ROBO2: variants seen among roughly 807,000 people sequenced by gnomAD.
ROBO2 encodes the protein roundabout homolog 2.
Under a neutral mutation model 160.8 loss-of-function variants are expected in ROBO2, and 53 were observed. The observed-to-expected ratio is 0.33, with a 90% CI of 0.26 to 0.41. The LOEUF (loss-of-function observed/expected upper bound fraction) is 0.41. ROBO2 is among the 10% of genes least tolerant of loss of function. The pLI, the probability that ROBO2 is intolerant of heterozygous loss-of-function variation, is 1.00. For missense variants in ROBO2, 1,577 were observed against 1,722.4 expected, an observed-to-expected ratio of 0.92 and a Z score of 1.49; for synonymous variants, 664 against 611.7, an observed-to-expected ratio of 1.09 and a Z score of -1.26.
At chr3:77,576,856 A>C (rs2093779802) in intron 14 of ROBO2, among the ~76,000 whole-genome samples, 1 of 152,190 alleles carries the variant, frequency 6.6e-6, no homozygotes, top group Admixed American at 6.6e-5. Context: ...GGGAAGAAAA[A>C]GAAGTTTTTT....
chr3:76,518,825 C>A (rs2081464124), intron 2 of ROBO2, among the ~76,000 whole-genome samples: 2 of 152,138 alleles, frequency 1.3e-5, no homozygotes, highest in Admixed American at 6.5e-5. Context: ...TCACTTCCTA[C>A]ATATTTAATT....
At chr3:76,987,345 G>T (rs144566202) in intron 2 of ROBO2, among the ~76,000 whole-genome samples, 1 of 152,224 alleles carries the variant, frequency 6.6e-6, no homozygotes, top group East Asian at 1.9e-4. Flanking sequence ...CCACACTGCC[G>T]TGTAGTGGGG....
At chr3:76,899,061 C>T (rs953756608) in intron 2 of ROBO2, among the ~76,000 whole-genome samples, 5 of 151,900 alleles carry the variant, frequency 3.3e-5, no homozygotes, top group Admixed American at 2.0e-4. Flanking sequence ...TCACCAGTAC[C>T]GGATGTAGAA....
At chr3:76,434,731 C>T (rs878997367) in intron 2 of ROBO2, 4 of 1,091,588 alleles carry the variant, frequency 3.7e-6, no homozygotes, top group South Asian at 2.5e-5. Flanking sequence ...CCAGTCTCTA[C>T]CAGTTGAGGC....
chr3:77,563,450 G>C (rs1019914761), intron 11 of ROBO2, 121 bp downstream of exon 12: 2 of 973,940 alleles, frequency 2.1e-6, no homozygotes, highest in African/African-American at 3.2e-5. Flanking sequence ...TTTAAGAATT[G>C]ATCTCTTCTC....
intron 2 of ROBO2, among the ~76,000 whole-genome samples, chr3:77,242,525 G>A (rs1484039225): frequency 2.0e-5 from 3 of 152,158 alleles, no homozygotes; most frequent in Non-Finnish European, 2.9e-5. Context: ...AATTTCTTCA[G>A]TGTGTGGGAA....
chr3:76,155,086 A>G (rs566342552), intron 2 of ROBO2, among the ~76,000 whole-genome samples: 1 of 152,298 alleles, frequency 6.6e-6, no homozygotes, highest in East Asian at 1.9e-4. Flanking sequence ...CATTAACCCA[A>G]TAGTACCGAA....
At chr3:77,009,288 T>C (rs1470861753) in intron 2 of ROBO2, among the ~76,000 whole-genome samples, 1 of 152,192 alleles carries the variant, frequency 6.6e-6, no homozygotes, top group African/African-American at 2.4e-5. Flanking sequence ...AGAAAATTGA[T>C]TGCGGTTTGC....
At chr3:76,160,311 C>A (rs1408495869) in intron 2 of ROBO2, among the ~76,000 whole-genome samples, 1 of 152,206 alleles carries the variant, frequency 6.6e-6, no homozygotes, top group East Asian at 1.9e-4. Flanking sequence ...CTGCTCCTAT[C>A]TGCAGGTGAT....
intron 2 of ROBO2, among the ~76,000 whole-genome samples, chr3:76,575,936 C>A (rs1447791): frequency 0.48 from 72,721 of 151,630 alleles, 19,869 homozygotes; most frequent in East Asian, 0.62. Flanking sequence ...AAGGTGCTCT[C>A]AAGTTCTTAG....
intron 2 of ROBO2, among the ~76,000 whole-genome samples, chr3:76,282,569 A>G (rs1458401969): frequency 3.9e-5 from 6 of 152,066 alleles, no homozygotes; most frequent in Non-Finnish European, 7.4e-5. Flanking sequence ...ATTACTATGC[A>G]TATTTTCTTG....
At chr3:76,089,430 T>C (rs2069139190) in intron 2 of ROBO2, among the ~76,000 whole-genome samples, 2 of 151,942 alleles carry the variant, frequency 1.3e-5, no homozygotes, top group South Asian at 4.1e-4. Flanking sequence ...GCAGTAATAC[T>C]CAACAAAATA....
At chr3:77,558,554 A>G (rs1270004498) in intron 9 of ROBO2, among the ~76,000 whole-genome samples, 2 of 152,080 alleles carry the variant, frequency 1.3e-5, no homozygotes, top group Non-Finnish European at 2.9e-5. Flanking sequence ...AGTTGAGTAG[A>G]AGAAAAATAA....
chr3:76,951,736 A>C (rs1171506200), intron 2 of ROBO2, among the ~76,000 whole-genome samples: 2 of 152,116 alleles, frequency 1.3e-5, no homozygotes, highest in Admixed American at 1.3e-4. Flanking sequence ...CTCTTAAAAA[A>C]CATGTTCTAC....
chr3:76,640,503 C>T (rs1024434341), intron 2 of ROBO2, among the ~76,000 whole-genome samples: 2 of 151,620 alleles, frequency 1.3e-5, no homozygotes, highest in East Asian at 3.9e-4. Flanking sequence ...GACACTCCAT[C>T]CAGCCTGGGC....
At chr3:77,006,549 GAGTT>G (rs1333180534) in intron 2 of ROBO2, among the ~76,000 whole-genome samples, 2 of 151,962 alleles carry the variant, frequency 1.3e-5, no homozygotes, top group Admixed American at 6.6e-5. Flanking sequence ...AAGAAACAGA[GAGTT>G]AGATTAACAA....
chr3:76,222,658 G>A (rs1291631124), intron 2 of ROBO2, among the ~76,000 whole-genome samples: 2 of 152,056 alleles, frequency 1.3e-5, no homozygotes, highest in African/African-American at 4.8e-5. Flanking sequence ...GTGGGTGGGG[G>A]AGAGCCCTCT....
rs145608873 is a variant in ROBO2 at position 76,676,253 on chromosome 3, G to C, written c.110-421761G>C. Among the ~76,000 whole-genome samples, 10 of 151,896 alleles carry C rather than the reference G, an allele frequency of 6.6e-5. No individual in the cohort carries two copies. In the East Asian group the frequency reaches 1.9e-3, roughly 29 times the overall value. On this transcript the variant is annotated intron_variant, in intron 2 of 26. Coordinates refer to the ROBO2 transcript ENST00000487694. ...CGATTTCCCCGTGCTGTTCTCATGA[G>C]AGTGATTTCTCATGAGATCTGATGG...
chr3:76,328,811 A>G (rs1559772183), intron 2 of ROBO2, among the ~76,000 whole-genome samples: 2 of 151,772 alleles, frequency 1.3e-5, no homozygotes, highest in Non-Finnish European at 2.9e-5. Flanking sequence ...GTGAGCCGAG[A>G]TCGCGCCACC....
Sources: allele counts gnomAD v4.1 joint callset (sites outside exome capture counted in the v4.1 genomes callset), GRCh38; gene constraint gnomAD v4.1.1; transcripts MANE v1.5; gene names NCBI Gene and HGNC (gene_info 2026-07-23, HGNC 2026-07-21).